The following STX3 variants were observed in gnomAD, a reference collection of about 807,000 sequenced individuals.
STX3 encodes the protein syntaxin 3.
Under a neutral mutation model 40.2 loss-of-function variants are expected in STX3, and 19 were observed. The observed-to-expected ratio is 0.47, with a 90% CI of 0.33 to 0.69. The LOEUF (loss-of-function observed/expected upper bound fraction) is 0.69. STX3 is among the 30% of genes least tolerant of loss of function. The pLI is 0.02. For missense variants in STX3, 364 were observed against 366.7 expected, an observed-to-expected ratio of 0.99 and a Z score of 0.06; for synonymous variants, 122 against 132.2, an observed-to-expected ratio of 0.92 and a Z score of 0.53.
Position 59,793,458 on chromosome 11 carries a change from A to C in STX3, c.619A>C (p.Ser207Arg), listed in dbSNP as rs767979379. Residue 207 changes from serine (S) to arginine (R), a missense_variant, in exon 8 of 11, where the codon AGC (serine) becomes CGC (arginine). Transcript: ENST00000337979. ...RHKDIVRLES[S>R]IKELHDMFMD... ...CAAGGACATTGTGAGGCTGGAGAGCAGCATCAAGGAGCTTCACGACATGTT... is the reference window on the plus strand; with the variant it reads ...CAAGGACATTGTGAGGCTGGAGAGCCGCATCAAGGAGCTTCACGACATGTT... 8.7e-6 allele frequency: 14 copies of C among 1,614,116 alleles called. No individual in the cohort carries two copies. The highest frequency in any genetic ancestry group is 1.2e-5 in the Non-Finnish European group (14 of 1,180,048).
chr11:59,793,439 C>T lies in STX3; in HGVS notation c.600C>T (p.Asp200=), dbSNP rs1865324406. The T allele has an allele frequency of 1.2e-6, 2 of 1,614,038 alleles. No individual in the cohort carries two copies. The highest frequency in any genetic ancestry group is 2.2e-5 in the East Asian group (1 of 44,896). ...GTGAGATTGAGGGACGACACAAGGA[C>T]ATTGTGAGGCTGGAGAGCAGCATCA... ...ALSEIEGRHK[D]IVRLESSIKE... Residue 200 remains aspartate, a synonymous_variant, in exon 8 of 11, where the codon GAC becomes GAT. Coordinates refer to ENST00000337979, the MANE Select transcript of STX3 (RefSeq NM_004177.5).
intron 2 of STX3, among the ~76,000 whole-genome samples, chr11:59,775,816 T>A (rs184610610): frequency 2.4e-4 from 36 of 152,380 alleles, no homozygotes; most frequent in Non-Finnish European, 4.1e-4. Flanking sequence ...TGCTTATTTC[T>A]TTCTCTTTGT....
chr11:59,774,064 A>G (rs1488611130), intron 2 of STX3, among the ~76,000 whole-genome samples: 2 of 152,106 alleles, frequency 1.3e-5, no homozygotes, highest in East Asian at 1.9e-4. Context: ...TTAGTTTTGT[A>G]AAAGTTCAAC....
At chr11:59,763,780 G>A (rs1030563883) in intron 1 of STX3, among the ~76,000 whole-genome samples, 1 of 152,218 alleles carries the variant, frequency 6.6e-6, no homozygotes, top group African/African-American at 2.4e-5. Flanking sequence ...CACTTTGGGA[G>A]GCCGAGGCAG....
intron 10 of STX3, among the ~76,000 whole-genome samples, chr11:59,798,700 A>T (rs538603512): frequency 8.7e-4 from 131 of 150,800 alleles, no homozygotes; most frequent in African/African-American, 3.1e-3. Context: ...TTGTATTTTT[A>T]GTAGAGACGA....
Position 59,797,358 on chromosome 11 carries a change from C to T in STX3, c.862C>T (p.Leu288=), listed in dbSNP as rs775644395. 1.2e-6 allele frequency: 2 copies of T among 1,614,094 alleles called. No individual in the cohort carries two copies. Among genetic ancestry groups the T allele is most frequent in the South Asian group, 2.2e-5 (2 of 91,084 alleles). Residue 288 remains leucine, a synonymous_variant, in exon 10 of 11, where the codon CTG becomes TTG. Transcript: ENST00000337979. ...LALIIGLSVG[L]N The stretch of plus-strand genomic sequence containing the variant: ...ATTGATTATTGGACTTTCCGTTGGG[C>T]TGAATTAAGAGTGGCCTAAGAGGCT...
At chr11:59,772,027 A>G (rs143864262) in intron 1 of STX3, among the ~76,000 whole-genome samples, 41 of 152,342 alleles carry the variant, frequency 2.7e-4, no homozygotes, top group Non-Finnish European at 1.3e-4. Flanking sequence ...CCAAATAGCC[A>G]TAGGATTTCC....
Position 59,802,166 on chromosome 11 carries a change from C to T in STX3, c.*1342C>T. On this transcript the variant is annotated 3_prime_UTR_variant, in exon 11 of 11. Transcript: ENST00000337979. Reference sequence around the variant, plus strand: ...CAGTTGGGGAACACCAGAGGCTACACAGTAGCTCTTCCTGCTACTCGGTTA... The same window carrying T: ...CAGTTGGGGAACACCAGAGGCTACATAGTAGCTCTTCCTGCTACTCGGTTA... 1.0e-6 allele frequency: 1 copy of T among 985,466 alleles called. No homozygotes were observed. The highest frequency in any genetic ancestry group is 4.7e-5 in the South Asian group (1 of 21,288). 61.0% of individuals were successfully genotyped at this position (985,466 alleles called of 1,614,324 possible). A position where few individuals can be genotyped will look rare whatever the true frequency, so the allele number is the denominator to read the frequency against.
chr11:59,795,248 T>C (rs1865440998), intron 8 of STX3, 124 bp from the exon 9 acceptor site: 1 of 738,758 alleles, frequency 1.4e-6, no homozygotes, highest in Admixed American at 2.5e-5. Flanking sequence ...TGGAAGGCCA[T>C]GCATCAAGGT....
chr11:59,759,301 T>A (rs905684743), intron 1 of STX3, among the ~76,000 whole-genome samples: 1 of 152,152 alleles, frequency 6.6e-6, no homozygotes, highest in Admixed American at 6.5e-5. Context: ...CTCGCATTGG[T>A]GTATAAACCA....
chr11:59,759,265 A>G (rs191267437), intron 1 of STX3, among the ~76,000 whole-genome samples: 1 of 152,318 alleles, frequency 6.6e-6, no homozygotes. Flanking sequence ...CAAGAAAGGC[A>G]AGGATCCTAG....
chr11:59,760,359 C>G (rs1483262059), intron 1 of STX3, among the ~76,000 whole-genome samples: 8 of 151,456 alleles, frequency 5.3e-5, no homozygotes, highest in Non-Finnish European at 1.0e-4. Flanking sequence ...GAATACTCTC[C>G]TCCATTCTTG....
chr11:59,786,341 G>C (rs1435770844), intron 2 of STX3, among the ~76,000 whole-genome samples: 1 of 148,950 alleles, frequency 6.7e-6, no homozygotes, highest in Non-Finnish European at 1.5e-5. Context: ...CCGGGTTCAC[G>C]CCATTCTCCT....
intron 1 of STX3, among the ~76,000 whole-genome samples, chr11:59,759,291 C>G (rs1037719914): frequency 6.6e-6 from 1 of 152,178 alleles, no homozygotes; most frequent in African/African-American, 2.4e-5. Flanking sequence ...CTTAATCACT[C>G]TCGCATTGGT....
At chr11:59,788,799 T>G (rs781224480) in intron 3 of STX3, 74 bp from the exon 4 acceptor site, 92 of 1,315,162 alleles carry the variant, frequency 7.0e-5, no homozygotes, top group Non-Finnish European at 9.6e-5. Flanking sequence ...CCTCCTCTGA[T>G]GATGATTGCT....
intron 8 of STX3, among the ~76,000 whole-genome samples, chr11:59,794,438 T>G (rs1337696851): frequency 6.6e-6 from 1 of 152,192 alleles, no homozygotes; most frequent in Non-Finnish European, 1.5e-5. Flanking sequence ...CACAACCTAG[T>G]TGAAGCTCGA....
Position 59,802,440 on chromosome 11 carries a change from A to C in STX3, c.*1616A>C, listed in dbSNP as rs758938256. The C allele has an allele frequency of 1.0e-6, 1 of 985,870 alleles. No homozygotes were observed. The highest frequency in any genetic ancestry group is 1.2e-6 in the Non-Finnish European group (1 of 829,946). The allele number at this position is 985,870 out of a possible 1,614,324, so 61.1% of individuals were successfully genotyped here. ...TCCATTAGCTTCCTTTGCAAAGGCTACTTATGGCCGGTCACAATCCAGCAC... is the reference window on the plus strand; with the variant it reads ...TCCATTAGCTTCCTTTGCAAAGGCTCCTTATGGCCGGTCACAATCCAGCAC... On this transcript the variant is annotated 3_prime_UTR_variant, in exon 11 of 11. Transcript: ENST00000337979.
At chr11:59,775,132 C>A (rs575373052) in intron 2 of STX3, among the ~76,000 whole-genome samples, 1 of 152,108 alleles carries the variant, frequency 6.6e-6, no homozygotes. Context: ...CATGACGGTT[C>A]GTGCCCATTT....
In STX3 at chr11:59,795,380, G is replaced by A; in HGVS notation, c.684G>A (p.Met228Ile). 2 of 1,612,640 alleles carry A rather than the reference G, an allele frequency of 1.2e-6. No individual in the cohort carries two copies. The highest frequency in any genetic ancestry group is 1.7e-6 in the Non-Finnish European group (2 of 1,179,460). ...IAMLVENQGE[M>I]LDNIELNVMH... ...GAGTCTGTTCTTTGCAGGGTGAGATGTTAGATAACATAGAGTTGAATGTCA... is the reference window on the plus strand; with the variant it reads ...GAGTCTGTTCTTTGCAGGGTGAGATATTAGATAACATAGAGTTGAATGTCA... Residue 228 changes from methionine to isoleucine, a missense_variant, in exon 9 of 11, where the codon ATG becomes ATA. By Grantham distance (10) the Met-to-Ile change is conservative. Transcript: ENST00000337979.
Sources: allele counts gnomAD v4.1 joint callset (sites outside exome capture counted in the v4.1 genomes callset), GRCh38; gene constraint gnomAD v4.1.1; transcripts MANE v1.5; gene names NCBI Gene and HGNC (gene_info 2026-07-23, HGNC 2026-07-21).